The following TXLNB variants were observed in gnomAD, a reference collection of about 807,000 sequenced individuals.
TXLNB encodes beta-taxilin.
Under a neutral mutation model 57.4 loss-of-function variants are expected in TXLNB, and 37 were observed. That is an observed-to-expected ratio of 0.64 (90% confidence interval 0.50 to 0.85). TXLNB has a LOEUF of 0.85. Ranked by LOEUF, TXLNB falls within the 40% of genes least tolerant of loss-of-function variation. TXLNB has a pLI of 0.00. For synonymous variants in TXLNB, 302 were observed against 309.6 expected, an observed-to-expected ratio of 0.98 and a Z score of 0.26; for missense variants, 848 against 825.6, an observed-to-expected ratio of 1.03 and a Z score of -0.33.
At chr6:139,223,401 AC>A in the TXLNB span, among the ~76,000 whole-genome samples, 1 of 152,210 alleles carries the variant, frequency 6.6e-6, no homozygotes, top group Non-Finnish European at 1.5e-5. Flanking sequence ...AAAAAGAACA[AC>A]AAATTAAGTA....
At chr6:139,176,618 G>A in the TXLNB span, among the ~76,000 whole-genome samples, 376 of 152,272 alleles carry the variant, frequency 2.5e-3, no homozygotes, top group Middle Eastern at 6.8e-3. This position sits in a 1 kb window ranked among gnomAD's most constrained non-coding sequence, Gnocchi z 4.5. Context: ...TTTCGTGGAG[G>A]TTTGGGTGAG....
the TXLNB span, among the ~76,000 whole-genome samples, chr6:139,185,060 G>A: frequency 6.6e-6 from 1 of 152,194 alleles, no homozygotes; most frequent in South Asian, 2.1e-4. Context: ...GGTGATTGAT[G>A]AGGGAAGTAA....
At chr6:139,301,172 C>G in the TXLNB span, among the ~76,000 whole-genome samples, 1 of 151,926 alleles carries the variant, frequency 6.6e-6, no homozygotes, top group Non-Finnish European at 1.5e-5. Context: ...GACCTTGATA[C>G]CAGAAACTAT....
the TXLNB span, among the ~76,000 whole-genome samples, chr6:139,201,200 G>C: frequency 2.0e-5 from 3 of 152,098 alleles, no homozygotes; most frequent in African/African-American, 7.3e-5. Flanking sequence ...TATCTTTAAA[G>C]AGTTGTCCAA....
chr6:139,305,954 T>G, the TXLNB span, among the ~76,000 whole-genome samples: 1 of 152,146 alleles, frequency 6.6e-6, no homozygotes, highest in African/African-American at 2.4e-5. Flanking sequence ...TGAAAATGAT[T>G]TATTAATATT....
chr6:139,279,600 G>GA (rs2114605692), intron 2 of TXLNB, among the ~76,000 whole-genome samples: 1 of 152,316 alleles, frequency 6.6e-6, no homozygotes, highest in South Asian at 2.1e-4. Context: ...GGTGCTATGT[G>GA]AAGTAATCAT....
the TXLNB span, chr6:139,166,235 C>T: frequency 4.8e-6 from 7 of 1,445,530 alleles, no homozygotes; most frequent in Non-Finnish European, 6.6e-6. Flanking sequence ...AGGTTGAGTA[C>T]CCCTAATCCA....
At chr6:139,199,468 T>C in the TXLNB span, among the ~76,000 whole-genome samples, 756 of 152,350 alleles carry the variant, frequency 5.0e-3, 1 homozygote, top group Non-Finnish European at 8.3e-3. Context: ...TCTGCTGCTG[T>C]GGAGCCACCT....
chr6:139,317,105 GAT>G, the TXLNB span, among the ~76,000 whole-genome samples: 2 of 152,168 alleles, frequency 1.3e-5, no homozygotes, highest in Non-Finnish European at 2.9e-5. Context: ...CAGAACTTGA[GAT>G]AGTTTCACAG....
chr6:139,192,617 A>C, the TXLNB span, among the ~76,000 whole-genome samples: 1 of 152,172 alleles, frequency 6.6e-6, no homozygotes, highest in African/African-American at 2.4e-5. Context: ...GATCACAAAG[A>C]GGAGGATTGT....
the TXLNB span, among the ~76,000 whole-genome samples, chr6:139,221,195 T>TC: frequency 1.3e-5 from 2 of 152,204 alleles, no homozygotes; most frequent in African/African-American, 4.8e-5. Context: ...AAGCAAAGCA[T>TC]CCCACAGTTT....
the TXLNB span, among the ~76,000 whole-genome samples, chr6:139,188,044 A>C: frequency 1.4e-3 from 207 of 152,296 alleles, 5 homozygotes; most frequent in South Asian, 0.041. Context: ...AAAATGGCTC[A>C]ATGTTTGATG....
chr6:139,190,168 A>T, the TXLNB span, among the ~76,000 whole-genome samples: 4 of 152,216 alleles, frequency 2.6e-5, no homozygotes, highest in Non-Finnish European at 5.9e-5. Flanking sequence ...TAGTCTGTTC[A>T]GGCTGCTATA....
the TXLNB span, among the ~76,000 whole-genome samples, chr6:139,194,817 T>C: frequency 6.6e-6 from 1 of 152,220 alleles, no homozygotes; most frequent in African/African-American, 2.4e-5. Context: ...ATTACTTCTG[T>C]AAACTCTTAG....
At chr6:139,223,538 C>A in the TXLNB span, among the ~76,000 whole-genome samples, 10 of 152,042 alleles carry the variant, frequency 6.6e-5, no homozygotes, top group African/African-American at 2.2e-4. Flanking sequence ...ATTTTCGCAA[C>A]CTACTCATCT....
the TXLNB span, among the ~76,000 whole-genome samples, chr6:139,224,676 C>A: frequency 1.9e-3 from 285 of 151,622 alleles, no homozygotes; most frequent in African/African-American, 6.7e-3. Context: ...ATATAGCATA[C>A]CACAACTGAC....
the TXLNB span, among the ~76,000 whole-genome samples, chr6:139,233,442 G>T: frequency 7.0e-6 from 1 of 143,322 alleles, no homozygotes; most frequent in Non-Finnish European, 1.5e-5. Context: ...TAGATAGATA[G>T]ATAGATATTT....
At chr6:139,293,007 G>A (rs1029974660), upstream of TXLNB, among the ~76,000 whole-genome samples, 19 of 152,166 alleles carry the variant, frequency 1.2e-4, no homozygotes, top group Admixed American at 4.6e-4. Context: ...TTCTTTACAT[G>A]ACAAAAGAGA....
the TXLNB span, among the ~76,000 whole-genome samples, chr6:139,297,507 C>G: frequency 6.6e-6 from 1 of 152,136 alleles, no homozygotes; most frequent in African/African-American, 2.4e-5. Flanking sequence ...CTGTACTATT[C>G]TACCATGGGC....
Sources: gnomAD v4.1 joint callset for allele counts (sites outside exome capture counted in the v4.1 genomes callset) on GRCh38, gnomAD v4.1.1 for gene constraint, Gnocchi (gnomAD v3.1) non-coding constraint, MANE v1.5 for transcripts, NCBI Gene and HGNC (gene_info 2026-07-23, HGNC 2026-07-21) for gene names.